Variants in TAS2R1 observed in about 807,000 individuals in gnomAD.
TAS2R1 encodes the protein taste 2 receptor member 1.
For synonymous variants in TAS2R1, 141 were observed against 134.2 expected, an observed-to-expected ratio of 1.05 and a Z score of -0.35; for missense variants, 370 against 353.4, an observed-to-expected ratio of 1.05 and a Z score of -0.38.
At chr5:9,702,547 A>T (rs1387989394) in intron 1 of TAS2R1, among the ~76,000 whole-genome samples, 1 of 152,228 alleles carries the variant, frequency 6.6e-6, no homozygotes, top group Non-Finnish European at 1.5e-5. Context: ...ACTGGAAATG[A>T]TTAGAAACCC....
At chr5:9,776,669 G>A in the TAS2R1 span, among the ~76,000 whole-genome samples, 4 of 152,102 alleles carry the variant, frequency 2.6e-5, no homozygotes, top group Non-Finnish European at 5.9e-5. Context: ...TATTTCACCT[G>A]ACTTTCAGCT....
intron 2 of TAS2R1, among the ~76,000 whole-genome samples, chr5:9,651,933 C>G (rs1442559968): frequency 6.6e-6 from 1 of 152,174 alleles, no homozygotes; most frequent in Non-Finnish European, 1.5e-5. Context: ...CATCACTGTT[C>G]CATTCATCAT....
At chr5:9,788,025 G>A in the TAS2R1 span, among the ~76,000 whole-genome samples, 1 of 152,170 alleles carries the variant, frequency 6.6e-6, no homozygotes, top group Non-Finnish European at 1.5e-5. Flanking sequence ...TGAGCCTGCT[G>A]GGCTGTCAAC....
chr5:9,852,117 A>T, the TAS2R1 span, among the ~76,000 whole-genome samples: 594 of 152,362 alleles, frequency 3.9e-3, 1 homozygote, highest in Non-Finnish European at 6.7e-3. Context: ...AGATGTGCTT[A>T]AAAAATCATT....
At chr5:9,804,957 T>C in the TAS2R1 span, among the ~76,000 whole-genome samples, 3 of 151,870 alleles carry the variant, frequency 2.0e-5, no homozygotes, top group Non-Finnish European at 4.4e-5. Context: ...AACAAAAAGC[T>C]AGTTCATTGA....
At chr5:9,711,535 G>T (rs1015390517) in intron 1 of TAS2R1, among the ~76,000 whole-genome samples, 1 of 152,158 alleles carries the variant, frequency 6.6e-6, no homozygotes, top group Non-Finnish European at 1.5e-5. Context: ...GGAGGTGTTC[G>T]ATAGGTCTAG....
chr5:9,847,685 G>A, the TAS2R1 span, among the ~76,000 whole-genome samples: 3 of 152,240 alleles, frequency 2.0e-5, no homozygotes, highest in Non-Finnish European at 4.4e-5. Context: ...AAAGTGACCA[G>A]TCATTTGTAA....
upstream of TAS2R1, among the ~76,000 whole-genome samples, chr5:9,631,652 G>T (rs145276988): frequency 8.9e-3 from 1,362 of 152,310 alleles, 9 homozygotes; most frequent in Non-Finnish European, 0.015. Context: ...AAGGTACCTG[G>T]CAGACCTGAT....
the TAS2R1 span, among the ~76,000 whole-genome samples, chr5:9,871,679 C>T: frequency 6.6e-6 from 1 of 152,206 alleles, no homozygotes; most frequent in Non-Finnish European, 1.5e-5. Flanking sequence ...CTGAAATTAT[C>T]TCATCTGTCC....
intron 2 of TAS2R1, among the ~76,000 whole-genome samples, chr5:9,645,130 T>C (rs543460684): frequency 1.3e-5 from 2 of 152,344 alleles, no homozygotes; most frequent in South Asian, 4.1e-4. Flanking sequence ...TGAGAAATTC[T>C]GGTGCCAGAG....
the TAS2R1 span, among the ~76,000 whole-genome samples, chr5:9,874,832 A>C: frequency 2.0e-5 from 3 of 152,156 alleles, no homozygotes; most frequent in Admixed American, 2.0e-4. Context: ...TGTAGACCAC[A>C]TGGTGACCTC....
In TAS2R1 at chr5:9,686,739, T is replaced by C. The variant is rs556092108; in HGVS notation, c.-242+25433A>G. On this transcript the variant is annotated intron_variant, in intron 1 of 2. Transcript: ENST00000506620. The stretch of plus-strand genomic sequence containing the variant: ...TATTACGTTCACATGACAGAAACTA[T>C]ATGGCTGCCAAAATTTTCTTTTCAA... Among the ~76,000 whole-genome samples the C allele has an allele frequency of 8.3e-4, 126 of 152,156 alleles. 2 individuals are homozygous for C. The highest frequency in any genetic ancestry group is 3.9e-4 in the Admixed American group (6 of 15,266).
At chr5:9,677,902 T>TA (rs1740906268) in intron 1 of TAS2R1, among the ~76,000 whole-genome samples, 1 of 152,072 alleles carries the variant, frequency 6.6e-6, no homozygotes, top group Admixed American at 6.6e-5. Flanking sequence ...TCATAATCAC[T>TA]AAAAAATGGA....
the TAS2R1 span, among the ~76,000 whole-genome samples, chr5:9,775,506 T>G: frequency 6.6e-6 from 1 of 152,034 alleles, no homozygotes; most frequent in Non-Finnish European, 1.5e-5. Flanking sequence ...AGGAGTCTCT[T>G]CCATAGACAT....
the TAS2R1 span, among the ~76,000 whole-genome samples, chr5:9,845,477 GA>G: frequency 1.7e-4 from 25 of 151,360 alleles, 2 homozygotes; most frequent in South Asian, 2.1e-3. Context: ...ATTCAAGGCA[GA>G]AAAAAAAATG....
chr5:9,660,690 T>C (rs1740516620), intron 1 of TAS2R1, among the ~76,000 whole-genome samples: 1 of 152,192 alleles, frequency 6.6e-6, no homozygotes, highest in Non-Finnish European at 1.5e-5. Context: ...TTTGCAGATA[T>C]GATTAAGGCT....
At chr5:9,834,753 T>TAAAAA in the TAS2R1 span, among the ~76,000 whole-genome samples, 1 of 145,558 alleles carries the variant, frequency 6.9e-6, no homozygotes, top group Non-Finnish European at 1.5e-5. Context: ...ATTACTGCAT[T>TAAAAA]AAAAAAAAAA....
the TAS2R1 span, among the ~76,000 whole-genome samples, chr5:9,736,889 G>A: frequency 6.6e-6 from 1 of 152,202 alleles, no homozygotes; most frequent in Non-Finnish European, 1.5e-5. Flanking sequence ...AAAGCTCTGT[G>A]ATAGCCATGT....
intron 2 of TAS2R1, among the ~76,000 whole-genome samples, chr5:9,655,616 G>A (rs1452024583): frequency 6.6e-6 from 1 of 152,038 alleles, no homozygotes; most frequent in Non-Finnish European, 1.5e-5. Context: ...AATGTGTGAT[G>A]GGCCAAGGGC....
Sources: gnomAD v4.1 joint callset for allele counts (sites outside exome capture counted in the v4.1 genomes callset) on GRCh38, gnomAD v4.1.1 for gene constraint, MANE v1.5 for transcripts, NCBI Gene and HGNC (gene_info 2026-07-23, HGNC 2026-07-21) for gene names.